The following MLLT3 variants were observed in gnomAD, a reference collection of about 807,000 sequenced individuals.
The protein encoded by MLLT3 is MLLT3 super elongation complex subunit.
Under a neutral mutation model 53.2 loss-of-function variants are expected in MLLT3, and 4 were observed. That is an observed-to-expected ratio of 0.08 (90% CI 0.04 to 0.17). MLLT3 has a LOEUF of 0.17. Among genes scored for constraint, MLLT3 ranks in the 10% least tolerant of loss-of-function variants. The probability of loss-of-function intolerance (pLI) is 1.00; values close to 1 mark genes in which losing one functional copy is unlikely to be tolerated. For missense variants in MLLT3, 569 were observed against 684.0 expected (o/e 0.83, Z 1.87); for synonymous variants, 283 against 230.6 (o/e 1.23, Z -2.06).
intron 2 of MLLT3, among the ~76,000 whole-genome samples, chr9:20,610,199 C>T (rs937242374): frequency 1.3e-5 from 2 of 152,084 alleles, no homozygotes; most frequent in African/African-American, 4.8e-5. Flanking sequence ...ACATTAGACT[C>T]TTATTTTTAA....
At chr9:20,504,015 C>T (rs889105838) in intron 2 of MLLT3, among the ~76,000 whole-genome samples, 2 of 152,024 alleles carry the variant, frequency 1.3e-5, no homozygotes. Context: ...TCACTTCACA[C>T]GTGCTAGAAT....
At chr9:20,581,409 C>G (rs1308901253) in intron 2 of MLLT3, among the ~76,000 whole-genome samples, 1 of 152,126 alleles carries the variant, frequency 6.6e-6, no homozygotes, top group East Asian at 1.9e-4. Context: ...CTTTGATCTG[C>G]TAATTACAAA....
rs943104896 is a variant in MLLT3, at chr9:20,621,923, G to C, written c.12+322C>G. On this transcript the variant is annotated intron_variant, in intron 1 of 10. Coordinates refer to ENST00000380338, the MANE Select transcript of MLLT3 (RefSeq NM_004529.4). The surrounding 1 kb of genome is among the most constrained non-coding windows in gnomAD (Gnocchi z 7.0). ...CCACCGTGTGTGTGTGTGTGTGTGA[G>C]TGCGCGCGTGTGAGCGAGAGGGAGT... 5 of 1,385,790 alleles carry C rather than the reference G, an allele frequency of 3.6e-6. No homozygotes were observed. The highest frequency in any genetic ancestry group is 2.9e-5 in the East Asian group (1 of 34,008). The allele number at this position is 1,385,790 out of a possible 1,614,324, so 85.8% of individuals were successfully genotyped here. A position where few individuals can be genotyped will look rare whatever the true frequency, so the allele number is the denominator to read the frequency against.
chr9:20,522,006 A>G (rs573296971), intron 2 of MLLT3, among the ~76,000 whole-genome samples: 1 of 115,734 alleles, frequency 8.6e-6, no homozygotes, highest in African/African-American at 3.3e-5. Flanking sequence ...TGACTGTCAC[A>G]GTTTTTTTTT....
At chr9:20,369,559 C>T (rs1821541761) in intron 5 of MLLT3, among the ~76,000 whole-genome samples, 1 of 152,140 alleles carries the variant, frequency 6.6e-6, no homozygotes, top group Admixed American at 6.5e-5. Context: ...CTGCCTAGTA[C>T]AGAATTCACC....
chr9:20,563,808 T>A (rs1180055408), intron 2 of MLLT3, among the ~76,000 whole-genome samples: 1 of 152,048 alleles, frequency 6.6e-6, no homozygotes, highest in Admixed American at 6.6e-5. Flanking sequence ...AACACTGCTA[T>A]AATAAGAAAA....
chr9:20,510,841 A>C (rs1218940632), intron 2 of MLLT3, among the ~76,000 whole-genome samples: 1 of 152,188 alleles, frequency 6.6e-6, no homozygotes, highest in African/African-American at 2.4e-5. Context: ...ATTCAACTGA[A>C]CTAAAGCACC....
At chr9:20,390,020 A>G (rs139791657) in intron 5 of MLLT3, among the ~76,000 whole-genome samples, 18 of 152,344 alleles carry the variant, frequency 1.2e-4, no homozygotes, top group Admixed American at 2.0e-4. Flanking sequence ...CATTTGGCCC[A>G]TCAGATTATT....
chr9:20,497,522 T>G (rs1450059893), intron 2 of MLLT3, among the ~76,000 whole-genome samples: 1 of 152,206 alleles, frequency 6.6e-6, no homozygotes, highest in Non-Finnish European at 1.5e-5. Flanking sequence ...TTATAGAATT[T>G]TGTATACATG....
intron 2 of MLLT3, among the ~76,000 whole-genome samples, chr9:20,554,685 C>T (rs1819009819): frequency 6.6e-6 from 1 of 152,198 alleles, no homozygotes; most frequent in Non-Finnish European, 1.5e-5. Context: ...CTGTAAAATA[C>T]ATGGGTGACA....
chr9:20,555,915 A>G (rs1030101694), intron 2 of MLLT3, among the ~76,000 whole-genome samples: 8 of 152,260 alleles, frequency 5.3e-5, no homozygotes, highest in African/African-American at 1.9e-4. Flanking sequence ...ATCATTAAAA[A>G]TAAGTTCTGA....
intron 5 of MLLT3, among the ~76,000 whole-genome samples, chr9:20,367,353 T>A (rs766299062): frequency 3.9e-5 from 6 of 152,232 alleles, no homozygotes; most frequent in Admixed American, 3.9e-4. Context: ...GCTCCCCAGA[T>A]AGTCTGTAGA....
intron 2 of MLLT3, among the ~76,000 whole-genome samples, chr9:20,594,481 G>A (rs933354447): frequency 6.6e-6 from 1 of 152,080 alleles, no homozygotes; most frequent in African/African-American, 2.4e-5. Context: ...TAAAAGGGAG[G>A]GGGGCAATAT....
At chr9:20,455,096 T>C (rs1008126767) in intron 3 of MLLT3, among the ~76,000 whole-genome samples, 1 of 152,190 alleles carries the variant, frequency 6.6e-6, no homozygotes, top group Non-Finnish European at 1.5e-5. Context: ...GAAATTGAAC[T>C]TGAAATGAGA....
intron 2 of MLLT3, among the ~76,000 whole-genome samples, chr9:20,544,217 C>G (rs1305254964): frequency 6.6e-6 from 1 of 152,120 alleles, no homozygotes; most frequent in African/African-American, 2.4e-5. Context: ...TAGAAGAAAA[C>G]ATAGGGGAAA....
chr9:20,443,254 GA>G (rs1823598370), intron 4 of MLLT3, among the ~76,000 whole-genome samples: 1 of 152,042 alleles, frequency 6.6e-6, no homozygotes, highest in African/African-American at 2.4e-5. Context: ...AAAGAAAAAA[GA>G]AACTGCAAAA....
intron 2 of MLLT3, among the ~76,000 whole-genome samples, chr9:20,475,513 C>T (rs1775634090): frequency 6.6e-6 from 1 of 152,090 alleles, no homozygotes; most frequent in South Asian, 2.1e-4. Flanking sequence ...AAGTTTCATA[C>T]AACTGTCTAC....
chr9:20,492,354 A>T (rs1824968940), intron 2 of MLLT3, among the ~76,000 whole-genome samples: 1 of 151,974 alleles, frequency 6.6e-6, no homozygotes, highest in Non-Finnish European at 1.5e-5. Context: ...ACTTACAGAT[A>T]GTTTTGGTCA....
chr9:20,354,740 A>C (rs1821120421), intron 9 of MLLT3, 68 bp downstream of exon 9: 3 of 1,033,730 alleles, frequency 2.9e-6, no homozygotes, highest in African/African-American at 3.2e-5. Context: ...AGGATGATCA[A>C]GGGCAACACA....
Sources: allele counts gnomAD v4.1 joint callset (sites outside exome capture counted in the v4.1 genomes callset), GRCh38; gene constraint gnomAD v4.1.1; non-coding constraint Gnocchi (gnomAD v3.1); transcripts MANE v1.5; gene names NCBI Gene and HGNC (gene_info 2026-07-23, HGNC 2026-07-21).